ZNF780B: variants seen among roughly 807,000 people sequenced by gnomAD.
ZNF780B encodes zinc finger protein 779.
A neutral mutation model predicts 74.1 loss-of-function variants in ZNF780B; 52 were observed. The ratio of observed to expected loss-of-function variants is 0.70; its 90% CI spans 0.56 to 0.88. ZNF780B has a LOEUF of 0.88. Ranked by LOEUF, ZNF780B falls within the 40% of genes least tolerant of loss-of-function variation. The probability of loss-of-function intolerance (pLI) is 0.00; values close to 1 mark genes in which losing one functional copy is unlikely to be tolerated. For synonymous variants in ZNF780B, 315 were observed against 324.3 expected, an observed-to-expected ratio of 0.97 and a Z score of 0.31; for missense variants, 953 against 1,007.6, an observed-to-expected ratio of 0.95 and a Z score of 0.73.
chr19:40,053,448 C>A (rs893340009), intron 1 of ZNF780B, among the ~76,000 whole-genome samples: 6 of 152,130 alleles, frequency 3.9e-5, no homozygotes, highest in Non-Finnish European at 8.8e-5. Flanking sequence ...TGAACCATTG[C>A]ACACTGTTGG....
Position 40,031,798 on chromosome 19 carries a change from G to A in ZNF780B, c.*2559C>T. Reference sequence around the variant, plus strand: ...ATTTTCATTTTGTATTCAATCCAGGGCTTAAGTACACGTGACTATAACTTT... The same window carrying A: ...ATTTTCATTTTGTATTCAATCCAGGACTTAAGTACACGTGACTATAACTTT... On this transcript the variant is annotated 3_prime_UTR_variant, in exon 5 of 5. Transcript: ENST00000434248. 1 of 257,676 alleles carries A rather than the reference G, an allele frequency of 3.9e-6. No homozygotes were observed. Among genetic ancestry groups the A allele is most frequent in the Non-Finnish European group, 7.9e-6 (1 of 127,026 alleles). 16.0% of individuals were successfully genotyped at this position (257,676 alleles called of 1,614,324 possible).
chr19:40,040,188 T>G (rs985917914), intron 4 of ZNF780B, among the ~76,000 whole-genome samples: 39 of 152,222 alleles, frequency 2.6e-4, no homozygotes, highest in Non-Finnish European at 4.7e-4. Flanking sequence ...TTGTCTTTGG[T>G]TCTGTTTATA....
rs376794539 is a variant in ZNF780B at position 40,035,496 on chromosome 19, G to A, written c.1363C>T (p.Arg455Ter). ...FVCRECEMAF[R>*]YHYQLIQHCQ... ...TGTTGAATAAGTTGGTAATGATATC[G>A]AAAGGCCATCTCACATTCCCTACAT... Residue 455 changes from arginine (R) to a stop codon, truncating the protein, a stop_gained, in exon 5 of 5, where the codon CGA (arginine) becomes TGA (stop). Transcript: ENST00000434248. LOFTEE classifies it high-confidence loss of function. 1.1e-4 allele frequency: 176 copies of A among 1,613,902 alleles called. No homozygotes were observed. The highest frequency in any genetic ancestry group is 1.3e-4 in the Non-Finnish European group (158 of 1,179,976).
At chr19:40,048,259 C>A (rs1486903206) in intron 3 of ZNF780B, among the ~76,000 whole-genome samples, 4 of 152,126 alleles carry the variant, frequency 2.6e-5, no homozygotes, top group Non-Finnish European at 5.9e-5. Context: ...ATCATAGAGG[C>A]TCTTTTAATA....
rs980474472 is a variant in ZNF780B at position 40,028,857 on chromosome 19, T to A, written c.*5500A>T. 6.6e-6 allele frequency: 1 copy of A among 152,180 alleles called. No homozygotes were observed. Among genetic ancestry groups the A allele is most frequent in the Non-Finnish European group, 1.5e-5 (1 of 68,032 alleles). The allele number at this position is 152,180 out of a possible 1,614,324, so 9.4% of individuals were successfully genotyped here. A position where few individuals can be genotyped will look rare whatever the true frequency, so the allele number is the denominator to read the frequency against. ...TCAAATATTAATATATTAAGCTAGT[T>A]TGTTTTAAGAGGTTTCCAGAATTGC... is the stretch of plus-strand genomic sequence containing the variant. On this transcript the variant is annotated 3_prime_UTR_variant, in exon 5 of 5. Transcript: ENST00000434248.
Position 40,036,360 on chromosome 19 carries a change from A to G in ZNF780B, c.499T>C (p.Cys167Arg). 1.2e-6 allele frequency: 2 copies of G among 1,613,688 alleles called. No homozygotes were observed. The highest frequency in any genetic ancestry group is 8.5e-7 in the Non-Finnish European group (1 of 1,179,876). The change falls in exon 5 of 5, where the codon TGT becomes CGT. Residue 167 changes from cysteine (C) to arginine (R), a missense_variant. Transcript: ENST00000434248. ...CTAAAGTATTTCCCACATTCCTTACATTCATATGGTTTATGTGTATTATGA... is the reference window on the plus strand; with the variant it reads ...CTAAAGTATTTCCCACATTCCTTACGTTCATATGGTTTATGTGTATTATGA... ...PIHNTHKPYE[C>R]KECGKYFSCG...
chr19:40,036,025 T>C lies in ZNF780B; in HGVS notation c.834A>G (p.Gln278=). The C allele has an allele frequency of 1.2e-6, 2 of 1,614,064 alleles. No individual in the cohort carries two copies. Among genetic ancestry groups the C allele is most frequent in the African/African-American group, 1.3e-5 (1 of 75,026 alleles). Residue 278 remains glutamine (Q), a synonymous_variant, in exon 5 of 5, where the codon CAA becomes CAG. Transcript: ENST00000434248. ...QSIHAGVKPY[Q]CKECGKAFNR... The stretch of plus-strand genomic sequence containing the variant: ...TAAAGGCTTTCCCACACTCCTTACA[T>C]TGATATGGTTTTACACCAGCATGAA...
At chr19:40,043,344 C>A (rs1972755289) in intron 4 of ZNF780B, among the ~76,000 whole-genome samples, 1 of 152,220 alleles carries the variant, frequency 6.6e-6, no homozygotes, top group African/African-American at 2.4e-5. Context: ...GGGTTGCCTC[C>A]CAGTTAGGCT....
Position 40,035,669 on chromosome 19 carries a change from G to C in ZNF780B, c.1190C>G (p.Ser397Cys), listed in dbSNP as rs773056447. Reference sequence around the variant, plus strand: ...AATAAGGTTTGAACTACGATTAAAGGACTTCCCACATTCTTTACATTCAAA... The same window carrying C: ...AATAAGGTTTGAACTACGATTAAAGCACTTCCCACATTCTTTACATTCAAA... The part of the protein sequence containing the change: ...KPFECKECGK[S>C]FNRSSNLIQH... Residue 397 changes from serine (S) to cysteine (C), a missense_variant, in exon 5 of 5, where the codon TCC becomes TGC. Transcript: ENST00000434248. The C allele has an allele frequency of 2.8e-5, 45 of 1,613,774 alleles. No homozygotes were observed. Among genetic ancestry groups the C allele is most frequent in the Non-Finnish European group, 3.8e-5 (45 of 1,179,984 alleles).
At chr19:40,038,040 T>TCTCCTAATGCTATCCCTCCCCACCTCCTC (rs1972436989) in intron 4 of ZNF780B, among the ~76,000 whole-genome samples, 2 of 152,040 alleles carry the variant, frequency 1.3e-5, no homozygotes, top group African/African-American at 4.8e-5. Context: ...ATTAGGTATA[T>TCTCCTAATGCTATCCCTCCCCACCTCCTC]CTCCTAATGC....
chr19:40,042,005 T>C (rs1202634857), intron 4 of ZNF780B, among the ~76,000 whole-genome samples: 1 of 152,224 alleles, frequency 6.6e-6, no homozygotes, highest in East Asian at 1.9e-4. Context: ...CTAGCCTTGA[T>C]GGTCTTTACA....
chr19:40,047,396 C>T lies in ZNF780B; in HGVS notation c.211G>A (p.Glu71Lys), dbSNP rs759908754. ...EKEPWIVVSK[E>K]TSRWYPDLES... is the part of the protein sequence containing the mutation. ...TTACCTGGATACCATCTGCTTGTTT[C>T]TTTACTTACAACAATCCAGGGCTCT... The change falls in exon 4 of 5, where the codon GAA (glutamate) becomes AAA (lysine). Residue 71 changes from glutamate (E) to lysine (K), a missense_variant. Coordinates refer to ENST00000434248, the MANE Select transcript of ZNF780B (RefSeq NM_001005851.3). The T allele has an allele frequency of 1.2e-6, 2 of 1,613,778 alleles. No individual in the cohort carries two copies. The highest frequency in any genetic ancestry group is 8.5e-7 in the Non-Finnish European group (1 of 1,179,784).
At chr19:40,036,678 C>A in intron 4 of ZNF780B, 52 bp from the exon 5 acceptor site, 2 of 1,133,042 alleles carry the variant, frequency 1.8e-6, no homozygotes, top group Non-Finnish European at 2.5e-6. Flanking sequence ...AACATACATG[C>A]ATACAAAATC....
At chr19:40,055,359 C>A (rs1973446370) in intron 1 of ZNF780B, 1 of 152,104 alleles carries the variant, frequency 6.6e-6, no homozygotes, top group African/African-American at 2.4e-5. Flanking sequence ...TTACAGGAAC[C>A]TCTATATTCT....
Position 40,028,448 on chromosome 19 carries a change from G to A in ZNF780B, c.*5909C>T, listed in dbSNP as rs576367120. The A allele has an allele frequency of 6.6e-6, 1 of 152,198 alleles. No homozygotes were observed. Among genetic ancestry groups the A allele is most frequent in the Non-Finnish European group, 1.5e-5 (1 of 68,036 alleles). 9.4% of individuals were successfully genotyped at this position (152,198 alleles called of 1,614,324 possible). On this transcript the variant is annotated 3_prime_UTR_variant, in exon 5 of 5. Coordinates refer to ENST00000434248, the MANE Select transcript of ZNF780B (RefSeq NM_001005851.3). ...AAAAAATGTCTCCCTTATGGGTACT[G>A]TGATTTCAATAGGGTGTGGGATAAG...
intron 4 of ZNF780B, among the ~76,000 whole-genome samples, chr19:40,041,601 G>A (rs1972641146): frequency 6.6e-6 from 1 of 152,132 alleles, no homozygotes; most frequent in Admixed American, 6.5e-5. Flanking sequence ...TGTATTGGGT[G>A]CATATATATT....
chr19:40,036,603 C>T lies in ZNF780B; in HGVS notation c.256G>A (p.Glu86Lys). The T allele has an allele frequency of 6.4e-7, 1 of 1,550,410 alleles. No individual in the cohort carries two copies. Among genetic ancestry groups the T allele is most frequent in the Non-Finnish European group, 8.7e-7 (1 of 1,151,486 alleles). Residue 86 changes from glutamate (E) to lysine (K), a missense_variant, in exon 5 of 5, where the codon GAG becomes AAG. Coordinates refer to ENST00000434248, the MANE Select transcript of ZNF780B (RefSeq NM_001005851.3). ...YPDLESKYGP[E>K]KISPENDIFE... ...ATATCATTTTCTGGAGATATTTTCT[C>T]AGGTCCATATTTTGACTCCAAATCT...
At chr19:40,053,046 A>G (rs163213) in intron 1 of ZNF780B, among the ~76,000 whole-genome samples, 29,447 of 152,054 alleles carry the variant, frequency 0.19, 6,060 homozygotes, top group African/African-American at 0.52. Context: ...TTTTTTTTCT[A>G]GAAATGACTT....
intron 4 of ZNF780B, among the ~76,000 whole-genome samples, chr19:40,040,216 T>C (rs1263022732): frequency 1.3e-5 from 2 of 152,184 alleles, no homozygotes; most frequent in Non-Finnish European, 2.9e-5. Context: ...TTACATTTAT[T>C]GATTTGCATA....
Sources: allele counts gnomAD v4.1 joint callset (sites outside exome capture counted in the v4.1 genomes callset), GRCh38; gene constraint gnomAD v4.1.1; transcripts MANE v1.5; gene names NCBI Gene and HGNC (gene_info 2026-07-23, HGNC 2026-07-21).